Variants in CNTNAP5 observed in about 807,000 individuals in gnomAD.
The protein encoded by CNTNAP5 is contactin-associated protein-like 5.
A neutral mutation model predicts 150.2 loss-of-function variants in CNTNAP5; 72 were observed. That is an observed-to-expected ratio of 0.48 (90% CI 0.40 to 0.58). The LOEUF (loss-of-function observed/expected upper bound fraction) is 0.58, where lower values mean the gene tolerates loss of function less well. CNTNAP5 is among the 20% of genes least tolerant of loss of function. The pLI is 0.00. For synonymous variants in CNTNAP5, 672 were observed against 619.8 expected, an observed-to-expected ratio of 1.08 and a Z score of -1.25; for missense variants, 1,636 against 1,626.2, an observed-to-expected ratio of 1.01 and a Z score of -0.10.
At chr2:124,232,687 T>C (rs1268901501) in intron 2 of CNTNAP5, among the ~76,000 whole-genome samples, 3 of 152,180 alleles carry the variant, frequency 2.0e-5, no homozygotes, top group African/African-American at 7.2e-5. Flanking sequence ...GTTGATCATG[T>C]CTGGACTTTA....
Position 124,915,327 on chromosome 2 carries a change from C to T in CNTNAP5, c.*1039C>T, listed in dbSNP as rs1042147399. 6.0e-6 allele frequency: 1 copy of T among 166,310 alleles called. No individual in the cohort carries two copies. Among genetic ancestry groups the T allele is most frequent in the Non-Finnish European group, 1.5e-5 (1 of 67,946 alleles). The allele number at this position is 166,310 out of a possible 1,614,324, so 10.3% of individuals were successfully genotyped here. On this transcript the variant is annotated 3_prime_UTR_variant, in exon 24 of 24. Transcript: ENST00000682447. Reference sequence around the variant, plus strand: ...AATGAAAGAGCCTAAACCATCTTAACTCAGCTTTAAAACAAAAATTAAATC... The same window carrying T: ...AATGAAAGAGCCTAAACCATCTTAATTCAGCTTTAAAACAAAAATTAAATC...
intron 3 of CNTNAP5, among the ~76,000 whole-genome samples, chr2:124,247,954 C>A (rs1379199119): frequency 6.6e-6 from 1 of 152,150 alleles, no homozygotes; most frequent in Non-Finnish European, 1.5e-5. Context: ...CTCTCACGCA[C>A]ATATACTAAT....
intron 17 of CNTNAP5, among the ~76,000 whole-genome samples, chr2:124,779,723 T>C (rs1681407134): frequency 6.6e-6 from 1 of 152,180 alleles, no homozygotes. Context: ...TTGAAGGTCC[T>C]GGTACTCAAA....
chr2:124,694,520 T>C (rs569640540), intron 13 of CNTNAP5, among the ~76,000 whole-genome samples: 1 of 152,262 alleles, frequency 6.6e-6, no homozygotes, highest in African/African-American at 2.4e-5. Context: ...ACCTTAATGA[T>C]ATAAAAAATA....
intron 1 of CNTNAP5, among the ~76,000 whole-genome samples, chr2:124,201,907 T>C (rs547503926): frequency 6.6e-6 from 1 of 152,344 alleles, no homozygotes; most frequent in East Asian, 1.9e-4. Flanking sequence ...GCAAAAGTTA[T>C]GGACTCTGTT....
intron 14 of CNTNAP5, among the ~76,000 whole-genome samples, chr2:124,758,897 G>T (rs1324995339): frequency 6.6e-6 from 1 of 152,106 alleles, no homozygotes; most frequent in Non-Finnish European, 1.5e-5. Flanking sequence ...AATCACAGTG[G>T]GTTCGATGGT....
intron 19 of CNTNAP5, among the ~76,000 whole-genome samples, chr2:124,828,735 CAAAAAAAAAAAAAAAAAAAAAA>C (rs60339676): frequency 3.9e-4 from 9 of 23,084 alleles, no homozygotes; most frequent in Admixed American, 3.0e-3. Context: ...CAAGTGTTGG[CAAAAAAAAAAAAAAAAAAAAAA>C]AAAAAAAAAA....
At chr2:124,713,269 C>A (rs867109912) in intron 13 of CNTNAP5, among the ~76,000 whole-genome samples, 2 of 105,630 alleles carry the variant, frequency 1.9e-5, no homozygotes, top group African/African-American at 6.4e-5. Context: ...TTCTTTCTTT[C>A]TTTCTTTCTT....
intron 14 of CNTNAP5, among the ~76,000 whole-genome samples, chr2:124,755,391 TC>T (rs1356256126): frequency 6.6e-6 from 1 of 152,158 alleles, no homozygotes; most frequent in African/African-American, 2.4e-5. Context: ...AATGATCCTC[TC>T]CCTGAGGAGG....
intron 19 of CNTNAP5, among the ~76,000 whole-genome samples, chr2:124,858,501 G>A (rs182871013): frequency 6.6e-6 from 1 of 152,326 alleles, no homozygotes; most frequent in East Asian, 1.9e-4. Flanking sequence ...TATAAGGGAT[G>A]TGAAGGACCT....
intron 3 of CNTNAP5, among the ~76,000 whole-genome samples, chr2:124,347,647 C>G (rs1418750060): frequency 6.6e-6 from 1 of 152,170 alleles, no homozygotes; most frequent in Non-Finnish European, 1.5e-5. Context: ...GGTTGCCTAC[C>G]TGACTGATAT....
chr2:124,271,211 A>G (rs1442704504), intron 3 of CNTNAP5, among the ~76,000 whole-genome samples: 1 of 152,198 alleles, frequency 6.6e-6, no homozygotes, highest in African/African-American at 2.4e-5. Context: ...GAATAGGTAG[A>G]TTTTTAAATG....
intron 10 of CNTNAP5, among the ~76,000 whole-genome samples, chr2:124,554,877 C>A (rs1695715034): frequency 6.6e-6 from 1 of 152,158 alleles, no homozygotes; most frequent in Non-Finnish European, 1.5e-5. Context: ...TTCAAAAATT[C>A]ACTCTTGGCA....
chr2:124,619,565 T>A (rs1028901514), intron 12 of CNTNAP5, among the ~76,000 whole-genome samples: 3 of 152,006 alleles, frequency 2.0e-5, no homozygotes, highest in Non-Finnish European at 4.4e-5. Flanking sequence ...GTAAAAGTGT[T>A]TTTGGATGAG....
intron 1 of CNTNAP5, among the ~76,000 whole-genome samples, chr2:124,202,231 A>T (rs987849698): frequency 6.6e-6 from 1 of 152,172 alleles, no homozygotes; most frequent in South Asian, 2.1e-4. Flanking sequence ...ATAGTTCTGA[A>T]GTAAGTTTCT....
At chr2:124,727,181 C>A (rs1680174293) in intron 13 of CNTNAP5, among the ~76,000 whole-genome samples, 2 of 151,922 alleles carry the variant, frequency 1.3e-5, no homozygotes, top group Admixed American at 1.3e-4. Flanking sequence ...TTTATTCTGT[C>A]CTGTTGGCCT....
intron 3 of CNTNAP5, among the ~76,000 whole-genome samples, chr2:124,324,199 AAGTTCATGTATTCTTGG>A (rs1689163822): frequency 6.6e-6 from 1 of 152,150 alleles, no homozygotes. Flanking sequence ...AATTGGTAAA[AAGTTCATGTATTCTTGG>A]AATTCTGGTG....
chr2:124,172,012 C>T (rs955657072), intron 1 of CNTNAP5, among the ~76,000 whole-genome samples: 7 of 152,156 alleles, frequency 4.6e-5, no homozygotes, highest in Admixed American at 4.6e-4. Flanking sequence ...ATTTACTTTT[C>T]TCTGTCAGTA....
intron 10 of CNTNAP5, among the ~76,000 whole-genome samples, chr2:124,530,788 G>A (rs957206261): frequency 2.6e-5 from 4 of 152,078 alleles, no homozygotes; most frequent in East Asian, 1.9e-4. Context: ...AGGACACAGT[G>A]TGCAGCTGCT....
Sources: gnomAD v4.1 joint callset for allele counts (sites outside exome capture counted in the v4.1 genomes callset) on GRCh38, gnomAD v4.1.1 for gene constraint, MANE v1.5 for transcripts, NCBI Gene and HGNC (gene_info 2026-07-23, HGNC 2026-07-21) for gene names.